OSBPL10: variants seen among roughly 807,000 people sequenced by gnomAD.
The protein encoded by OSBPL10 is oxysterol-binding protein-related protein 10.
A neutral mutation model predicts 81.7 loss-of-function variants in OSBPL10; 49 were observed. The ratio of observed to expected loss-of-function variants is 0.60; its 90% CI spans 0.48 to 0.76. OSBPL10 has a LOEUF of 0.76. Ranked by LOEUF, OSBPL10 falls within the 30% of genes least tolerant of loss-of-function variation. OSBPL10 has a pLI of 0.00. For missense variants in OSBPL10, 923 were observed against 987.8 expected (o/e 0.93, Z 0.88); for synonymous variants, 419 against 383.6 (o/e 1.09, Z -1.08).
At chr3:32,076,817 C>T (rs112747809) in intron 1 of OSBPL10, among the ~76,000 whole-genome samples, 33 of 152,000 alleles carry the variant, frequency 2.2e-4, no homozygotes, top group African/African-American at 7.7e-4. Flanking sequence ...CCAAGCTGTC[C>T]TCTTGTGGCT....
At chr3:31,702,642 C>T (rs1450794228) in intron 6 of OSBPL10, 134 bp from the exon 7 acceptor site, 1 of 1,258,256 alleles carries the variant, frequency 7.9e-7, no homozygotes, top group African/African-American at 1.5e-5. Flanking sequence ...GTGACCCAGT[C>T]CTATTGGCCA....
At chr3:31,989,940 G>A in intron 2 of OSBPL10, 1 of 1,614,134 alleles carries the variant, frequency 6.2e-7, no homozygotes, top group Non-Finnish European at 8.5e-7. Flanking sequence ...AACCTTACAA[G>A]TGTAATGAAT....
At chr3:32,018,314 C>T (rs77509454) in intron 2 of OSBPL10, among the ~76,000 whole-genome samples, 2 of 152,160 alleles carry the variant, frequency 1.3e-5, no homozygotes, top group East Asian at 3.9e-4. Flanking sequence ...CAATGATAGA[C>T]GAGATGTGGG....
At chr3:31,918,343 T>TA (rs1217283684) in intron 1 of OSBPL10, among the ~76,000 whole-genome samples, 2 of 128,366 alleles carry the variant, frequency 1.6e-5, no homozygotes, top group Non-Finnish European at 3.3e-5. Context: ...TTTTTTTTTT[T>TA]AAAGAGACAG....
chr3:31,740,779 C>CA (rs1177880794), intron 5 of OSBPL10, among the ~76,000 whole-genome samples: 193 of 131,750 alleles, frequency 1.5e-3, no homozygotes, highest in South Asian at 4.1e-3. Context: ...CTCCGTATCT[C>CA]AAAAAAAAGA....
Position 32,040,915 on chromosome 3 carries a change from C to T in OSBPL10, n.298+5576G>A, listed in dbSNP as rs116371920. Among the ~76,000 whole-genome samples, 336 of 152,286 alleles carry T rather than the reference C, an allele frequency of 2.2e-3. 1 individual carries two copies. Among genetic ancestry groups the T allele is most frequent in the African/African-American group, 7.5e-3 (310 of 41,558 alleles). ...GATGACCTTACATTGTTCCTTGCAG[C>T]TCCAGAGAGGTACAGGAGATTATCT... On this transcript the variant is annotated intron_variant and non_coding_transcript_variant, in intron 2 of 3. Coordinates refer to the OSBPL10 transcript ENST00000479173.
intron 2 of OSBPL10, among the ~76,000 whole-genome samples, chr3:32,042,345 T>C (rs1383268022): frequency 6.6e-6 from 1 of 152,174 alleles, no homozygotes; most frequent in Non-Finnish European, 1.5e-5. Context: ...ACATGGTTTG[T>C]TTTTTTGCCA....
chr3:31,826,555 T>C lies in OSBPL10; in HGVS notation c.729+3485A>G, dbSNP rs189650340. Among the ~76,000 whole-genome samples, 185 of 152,358 alleles carry C rather than the reference T, an allele frequency of 1.2e-3. 1 individual carries two copies. The highest frequency in any genetic ancestry group is 4.3e-3 in the African/African-American group (177 of 41,590). On this transcript the variant is annotated intron_variant, in intron 4 of 11. Transcript: ENST00000396556. ...GCCTTTGGCTGGGCTATTTCTCTTT[T>C]ATTCTCCTGATATTCAGGCACATCT... is the stretch of plus-strand genomic sequence containing the variant.
rs1459046802 is a variant in OSBPL10 at position 32,062,945 on chromosome 3, T to C, written n.185+14451A>G. On this transcript the variant is annotated intron_variant and non_coding_transcript_variant, in intron 1 of 3. Transcript: ENST00000479173. ...TCCTTTTTCCACTACTTCTTACTTT[T>C]AATGTACTGCCCGAGTACAAATCCT... Among the ~76,000 whole-genome samples the C allele has an allele frequency of 3.2e-5, 3 of 94,556 alleles. 1 individual carries two copies. Among genetic ancestry groups the C allele is most frequent in the African/African-American group, 8.2e-5 (3 of 36,738 alleles). 62.0% of individuals were successfully genotyped at this position (94,556 alleles called of 152,430 possible).
At chr3:32,019,733 CTGTT>C (rs1699345001) in intron 2 of OSBPL10, among the ~76,000 whole-genome samples, 1 of 152,178 alleles carries the variant, frequency 6.6e-6, no homozygotes, top group Non-Finnish European at 1.5e-5. Flanking sequence ...ATTATTAACT[CTGTT>C]TCTTCGCAAT....
intron 1 of OSBPL10, among the ~76,000 whole-genome samples, chr3:31,934,379 T>G (rs1385190452): frequency 1.3e-5 from 2 of 150,828 alleles, no homozygotes; most frequent in African/African-American, 2.4e-5. Flanking sequence ...AAACCCAAAT[T>G]TCATAGTCAA....
At chr3:31,797,903 T>G (rs772084154) in intron 4 of OSBPL10, 9 of 426,720 alleles carry the variant, frequency 2.1e-5, no homozygotes, top group Non-Finnish European at 4.3e-5. Context: ...TTTCTAGCAC[T>G]CTCAACCTGG....
chr3:31,737,818 C>A (rs1038477428), intron 5 of OSBPL10, among the ~76,000 whole-genome samples: 2 of 151,986 alleles, frequency 1.3e-5, no homozygotes, highest in South Asian at 2.1e-4. Context: ...ATGAGGAAAC[C>A]CCGACTCTAC....
At chr3:31,774,405 C>G (rs973372959) in intron 4 of OSBPL10, among the ~76,000 whole-genome samples, 1 of 152,136 alleles carries the variant, frequency 6.6e-6, no homozygotes, top group Admixed American at 6.5e-5. Flanking sequence ...AGCGGAGTGT[C>G]GAGGCTGGCT....
intron 2 of OSBPL10, among the ~76,000 whole-genome samples, chr3:32,007,667 C>A (rs1459297359): frequency 2.0e-5 from 3 of 152,150 alleles, no homozygotes; most frequent in African/African-American, 7.2e-5. Context: ...CCTCCCCACA[C>A]CCCCTCTCAA....
At chr3:31,995,406 C>A (rs1225636164) in intron 2 of OSBPL10, among the ~76,000 whole-genome samples, 4 of 152,160 alleles carry the variant, frequency 2.6e-5, no homozygotes, top group African/African-American at 9.7e-5. Context: ...GCGATATCTT[C>A]CCTATTTGCA....
At chr3:31,751,375 CAAATAAAATAAAATAAAATA>C (rs146565470) in intron 4 of OSBPL10, among the ~76,000 whole-genome samples, 31 of 150,860 alleles carry the variant, frequency 2.1e-4, no homozygotes, top group African/African-American at 6.8e-4. Context: ...AACAAACAAA[CAAATAAAATAAAATAAAATA>C]AAATAAAATA....
chr3:31,713,376 CTTTT>C (rs959006084), intron 6 of OSBPL10, among the ~76,000 whole-genome samples: 1 of 151,972 alleles, frequency 6.6e-6, no homozygotes, highest in African/African-American at 2.4e-5. Flanking sequence ...TCACTCAGAT[CTTTT>C]TTTAATTTTA....
At chr3:32,024,627 C>T (rs1014773716) in intron 2 of OSBPL10, among the ~76,000 whole-genome samples, 10 of 151,358 alleles carry the variant, frequency 6.6e-5, no homozygotes, top group African/African-American at 1.7e-4. Context: ...TGGGATTACA[C>T]GCGCCTGCCA....
Sources: allele counts gnomAD v4.1 joint callset (sites outside exome capture counted in the v4.1 genomes callset), GRCh38; gene constraint gnomAD v4.1.1; transcripts MANE v1.5; gene names NCBI Gene and HGNC (gene_info 2026-07-23, HGNC 2026-07-21).